The following ACACA variants were observed in gnomAD, a reference collection of about 807,000 sequenced individuals.
ACACA encodes acetyl-CoA carboxylase 1.
A neutral mutation model predicts 296.1 loss-of-function variants in ACACA; 103 were observed. The observed-to-expected ratio is 0.35, with a 90% CI of 0.30 to 0.41. The LOEUF (loss-of-function observed/expected upper bound fraction) is 0.41, where lower values mean the gene tolerates loss of function less well. ACACA is among the 10% of genes least tolerant of loss of function. The pLI is 1.00. For missense variants in ACACA, 1,554 were observed against 2,989.7 expected, an observed-to-expected ratio of 0.52 and a Z score of 11.20; for synonymous variants, 953 against 1,038.6, an observed-to-expected ratio of 0.92 and a Z score of 1.58.
chr17:37,388,806 G>A (rs2050664400), intron 1 of ACACA: 3 of 1,612,572 alleles, frequency 1.9e-6, no homozygotes, highest in Non-Finnish European at 2.5e-6. Context: ...TAAGTTTGCT[G>A]TTGTATTGAA....
rs112730716 is a variant in ACACA at position 37,284,297 on chromosome 17, G to A, written c.471+541C>T. ...AGTCACAGTGTATCAAACTCTTTAA[G>A]CCTTCTCTTCTGAAACTCTCTCTAC... On this transcript the variant is annotated intron_variant, in intron 4 of 55. Coordinates refer to ENST00000616317, the MANE Select transcript of ACACA (RefSeq NM_198834.3). 4.9e-3 allele frequency among the ~76,000 whole-genome samples: 751 copies of A among 152,214 alleles called. 2 individuals are homozygous for A. Among genetic ancestry groups the A allele is most frequent in the Non-Finnish European group, 7.5e-3 (512 of 68,018 alleles).
intron 11 of ACACA, among the ~76,000 whole-genome samples, chr17:37,259,936 G>C (rs1238077005): frequency 6.7e-6 from 1 of 148,330 alleles, no homozygotes; most frequent in Non-Finnish European, 1.5e-5. Context: ...CTGGAGTCCA[G>C]TGGCACAATC....
chr17:37,161,473 T>C, intron 42 of ACACA: 1 of 390,804 alleles, frequency 2.6e-6, no homozygotes, highest in Non-Finnish European at 4.6e-6. Context: ...GAAGCCACAA[T>C]TAAATAAAGA....
At chr17:37,166,005 G>C (rs1260467666) in intron 41 of ACACA, among the ~76,000 whole-genome samples, 2 of 152,098 alleles carry the variant, frequency 1.3e-5, no homozygotes, top group African/African-American at 4.8e-5. Flanking sequence ...CTAATTATAT[G>C]CTGCCTAGGA....
intron 21 of ACACA, among the ~76,000 whole-genome samples, chr17:37,244,198 TAAAA>T (rs554571885): frequency 8.3e-6 from 1 of 120,464 alleles, no homozygotes; most frequent in African/African-American, 3.1e-5. Flanking sequence ...CCACCTCTAC[TAAAA>T]AAAAAAAAAA....
At chr17:37,386,652 C>T (rs1376240214) in intron 1 of ACACA, among the ~76,000 whole-genome samples, 1 of 152,066 alleles carries the variant, frequency 6.6e-6, no homozygotes, top group Non-Finnish European at 1.5e-5. Context: ...AATTTGACAC[C>T]ATCAATGATC....
At chr17:37,342,381 C>A (rs1244979406) in intron 1 of ACACA, among the ~76,000 whole-genome samples, 2 of 108,768 alleles carry the variant, frequency 1.8e-5, no homozygotes, top group African/African-American at 7.4e-5. Context: ...GCGCTCCAGG[C>A]TGTGGACAAA....
rs146619930 is a variant in ACACA, at chr17:37,357,930, T to C, written c.39-18080A>G. 9.1e-4 allele frequency among the ~76,000 whole-genome samples: 138 copies of C among 151,866 alleles called. 1 individual carries two copies. The East Asian group carries it at 0.015, about 16-fold the overall frequency. ...ATGCTTCTCAATCTATACTACCGAA[T>C]TGGGAGGGAAAAAATGAATGGAAAG... On this transcript the variant is annotated intron_variant, in intron 1 of 55. Coordinates refer to ENST00000616317, the MANE Select transcript of ACACA (RefSeq NM_198834.3).
At chr17:37,227,345 T>C (rs936450939) in intron 25 of ACACA, among the ~76,000 whole-genome samples, 1 of 152,148 alleles carries the variant, frequency 6.6e-6, no homozygotes, top group African/African-American at 2.4e-5. Context: ...GACCTACTGG[T>C]AGTAGTAATT....
intron 14 of ACACA, among the ~76,000 whole-genome samples, chr17:37,255,804 T>C (rs1275799060): frequency 5.9e-5 from 9 of 152,316 alleles, no homozygotes; most frequent in South Asian, 4.1e-4. Flanking sequence ...TGGAGTGCAA[T>C]GGCGTGATCT....
intron 50 of ACACA, among the ~76,000 whole-genome samples, chr17:37,120,990 G>T (rs761118588): frequency 3.6e-4 from 55 of 151,950 alleles, no homozygotes; most frequent in Non-Finnish European, 7.4e-4. Context: ...TATCTGTCTT[G>T]GTCACTGTAG....
chr17:37,094,572 A>ACC lies in ACACA; in HGVS notation c.6891+2422_6891+2423dup, dbSNP rs67691656. Among the ~76,000 whole-genome samples the ACC allele has an allele frequency of 1.3e-3, 151 of 114,532 alleles. 3 individuals carry two copies. Among genetic ancestry groups the ACC allele is most frequent in the East Asian group, 4.0e-3 (16 of 3,976 alleles). The allele number at this position is 114,532 out of a possible 152,430, so 75.1% of individuals were successfully genotyped here. A position where few individuals can be genotyped will look rare whatever the true frequency, so the allele number is the denominator to read the frequency against. On this transcript the variant is annotated intron_variant, in intron 54 of 55. Coordinates refer to ENST00000616317, the MANE Select transcript of ACACA (RefSeq NM_198834.3). ...AGTATCTATCATTCTTTGAAGAACC[A>ACC]CCCCCCCCCCCCCACACCAAACAGC...
intron 41 of ACACA, among the ~76,000 whole-genome samples, chr17:37,174,020 A>ATATATATTTTTTTTTT (rs552735515): frequency 2.4e-4 from 4 of 16,794 alleles, no homozygotes; most frequent in African/African-American, 2.6e-4. Context: ...ATATATATAT[A>ATATATATTTTTTTTTT]TTTTTTTTTT....
At chr17:37,173,654 T>G (rs1259157045) in intron 41 of ACACA, among the ~76,000 whole-genome samples, 1 of 151,954 alleles carries the variant, frequency 6.6e-6, no homozygotes, top group Non-Finnish European at 1.5e-5. Flanking sequence ...TTGGGAGACA[T>G]AGGATATCAG....
intron 16 of ACACA, among the ~76,000 whole-genome samples, chr17:37,250,149 G>A (rs1040707481): frequency 6.6e-6 from 1 of 152,310 alleles, no homozygotes; most frequent in African/African-American, 2.4e-5. Context: ...TGTGAGAACA[G>A]ACTAATACAC....
chr17:37,336,896 T>C (rs1374229130), intron 2 of ACACA, among the ~76,000 whole-genome samples: 1 of 152,108 alleles, frequency 6.6e-6, no homozygotes, highest in African/African-American at 2.4e-5. Flanking sequence ...CATGTGAAAA[T>C]TACATATGCA....
At chr17:37,406,226 T>C (rs1425887019) in intron 1 of ACACA, 36 bp downstream of exon 1, 1 of 1,606,212 alleles carries the variant, frequency 6.2e-7, no homozygotes. Context: ...ATTAGAATCA[T>C]CATTAACAGC....
chr17:37,258,270 A>C lies in ACACA; in HGVS notation c.1604T>G (p.Val535Gly). Residue 535 changes from valine to glycine, a missense_variant, in exon 13 of 56, where the codon GTT becomes GGT. Physicochemically the swap from Val to Gly is moderately radical, Grantham distance 109. Coordinates refer to ENST00000616317, the MANE Select transcript of ACACA (RefSeq NM_198834.3). ...SPIDFEDSAH[V>G]PCPRGHVIAA... ...AATAACATGGCCCCTTGGACAAGGA[A>C]CGTGTGCAGAATCTTCAAAATCAAT... 6.2e-7 allele frequency: 1 copy of C among 1,614,144 alleles called. No homozygotes were observed. The highest frequency in any genetic ancestry group is 1.7e-4 in the Middle Eastern group (1 of 6,060).
At chr17:37,192,900 G>A (rs2077822582) in intron 36 of ACACA, among the ~76,000 whole-genome samples, 1 of 152,050 alleles carries the variant, frequency 6.6e-6, no homozygotes, top group Non-Finnish European at 1.5e-5. Flanking sequence ...TATATGTACT[G>A]TATGTTTCAG....
Sources: allele counts gnomAD v4.1 joint callset (sites outside exome capture counted in the v4.1 genomes callset), GRCh38; gene constraint gnomAD v4.1.1; transcripts MANE v1.5; gene names NCBI Gene and HGNC (gene_info 2026-07-23, HGNC 2026-07-21).